Variants in LRGUK observed in about 807,000 individuals in gnomAD.
LRGUK encodes the protein leucine rich repeats and guanylate kinase domain containing.
In LRGUK, 65 loss-of-function variants were observed where a neutral mutation model predicts 76.0. The observed-to-expected ratio is 0.85, with a 90% CI of 0.70 to 1.05. The LOEUF is 1.05. Among genes scored for constraint, LRGUK ranks in the 50% least tolerant of loss-of-function variants. The probability of loss-of-function intolerance (pLI) is 0.00; values close to 1 mark genes in which losing one functional copy is unlikely to be tolerated. For synonymous variants in LRGUK, 268 were observed against 265.6 expected (o/e 1.01, Z -0.09); for missense variants, 758 against 732.8 (o/e 1.03, Z -0.40).
Position 134,171,644 on chromosome 7 carries a change from A to G in LRGUK, c.940-2912A>G, listed in dbSNP as rs1002516706. Among the ~76,000 whole-genome samples, 6 of 152,094 alleles carry G rather than the reference A, an allele frequency of 3.9e-5. No homozygotes were observed. The South Asian group carries it at 8.3e-4, about 21-fold the overall frequency. The stretch of plus-strand genomic sequence containing the variant: ...ATCGTCAATAGGGGCAAAGGAGGTG[A>G]GAGAATGCGCTGGACTGGAGTCTGG... On this transcript the variant is annotated intron_variant, in intron 7 of 15. Transcript: ENST00000645682.
At chr7:134,180,616 G>A (rs964363371) in intron 10 of LRGUK, among the ~76,000 whole-genome samples, 3 of 151,986 alleles carry the variant, frequency 2.0e-5, no homozygotes, top group African/African-American at 7.3e-5. Flanking sequence ...ATCCTAGATT[G>A]TACCACAGTG....
chr7:134,233,181 A>G (rs371751275), intron 16 of LRGUK, among the ~76,000 whole-genome samples: 11 of 152,238 alleles, frequency 7.2e-5, no homozygotes, highest in Middle Eastern at 3.2e-3. Context: ...CCTCCCTGAT[A>G]GTAACCCAAT....
At chr7:134,219,408 T>C (rs2117148932) in intron 15 of LRGUK, among the ~76,000 whole-genome samples, 1 of 152,260 alleles carries the variant, frequency 6.6e-6, no homozygotes, top group East Asian at 1.9e-4. Flanking sequence ...ACTTGACTTA[T>C]TTACACCACA....
At chr7:134,197,826 A>G (rs973518996) in intron 13 of LRGUK, among the ~76,000 whole-genome samples, 1 of 152,218 alleles carries the variant, frequency 6.6e-6, no homozygotes, top group Non-Finnish European at 1.5e-5. Context: ...TTTTAAAAAT[A>G]TAGCTTTATT....
chr7:134,164,566 G>A (rs953381025), intron 7 of LRGUK, among the ~76,000 whole-genome samples: 3 of 152,034 alleles, frequency 2.0e-5, no homozygotes, highest in Non-Finnish European at 4.4e-5. Flanking sequence ...TATTTATATC[G>A]AATACTTTAT....
At chr7:134,180,761 T>G (rs1337936390) in intron 10 of LRGUK, among the ~76,000 whole-genome samples, 2 of 152,186 alleles carry the variant, frequency 1.3e-5, no homozygotes, top group Non-Finnish European at 2.9e-5. Flanking sequence ...ATTTGCCACT[T>G]TAACAATTTT....
downstream of LRGUK, among the ~76,000 whole-genome samples, chr7:134,214,775 AACAC>A (rs56096728): frequency 0.27 from 39,814 of 146,528 alleles, 6,070 homozygotes; most frequent in Admixed American, 0.4. Context: ...ATTAAATTTA[AACAC>A]ACACACACAC....
At chr7:134,200,005 TATATA>T (rs1563178706) in intron 14 of LRGUK, among the ~76,000 whole-genome samples, 3 of 128,632 alleles carry the variant, frequency 2.3e-5, no homozygotes, top group Non-Finnish European at 5.0e-5. Context: ...TATATATATA[TATATA>T]TATATATATA....
At chr7:134,242,938 A>G (rs898951803) in intron 16 of LRGUK, among the ~76,000 whole-genome samples, 20 of 152,162 alleles carry the variant, frequency 1.3e-4, no homozygotes, top group Non-Finnish European at 2.4e-4. Flanking sequence ...TATAAACAGA[A>G]CCAAAGACAA....
intron 18 of LRGUK, among the ~76,000 whole-genome samples, chr7:134,252,532 T>G (rs1334236566): frequency 1.3e-5 from 2 of 152,114 alleles, no homozygotes; most frequent in African/African-American, 4.8e-5. Context: ...TAACTGACAC[T>G]TCTAAGCAGA....
intron 18 of LRGUK, among the ~76,000 whole-genome samples, 176 bp from the exon 19 acceptor site, chr7:134,258,081 C>G (rs1489995728): frequency 2.0e-5 from 3 of 152,168 alleles, no homozygotes; most frequent in African/African-American, 7.2e-5. Flanking sequence ...GAGATGTCAG[C>G]TTCTATATAG....
rs544362519 is a variant in LRGUK, at chr7:134,143,440, A to C, written c.588+278A>C. 1.1e-4 allele frequency among the ~76,000 whole-genome samples: 16 copies of C among 152,302 alleles called. No individual in the cohort carries two copies. In the South Asian group the frequency reaches 3.3e-3, roughly 32 times the overall value. ...CTCCTCTTTCCCTCATTTGAATAGT[A>C]GTTATTATTGCCCTTTTTTTGTTGT... On this transcript the variant is annotated intron_variant, in intron 4 of 15. Coordinates refer to ENST00000645682, the Ensembl canonical transcript of LRGUK.
At chr7:134,135,515 T>A (rs1289739257) in intron 1 of LRGUK, among the ~76,000 whole-genome samples, 2 of 152,226 alleles carry the variant, frequency 1.3e-5, no homozygotes, top group African/African-American at 4.8e-5. Context: ...TACAGCGACA[T>A]GTCCTGAACT....
At chr7:134,166,634 C>T (rs538078719) in intron 7 of LRGUK, among the ~76,000 whole-genome samples, 3 of 152,284 alleles carry the variant, frequency 2.0e-5, no homozygotes, top group South Asian at 4.2e-4. Flanking sequence ...AACAGTGCTC[C>T]TCCCAGAGCT....
downstream of LRGUK, among the ~76,000 whole-genome samples, chr7:134,212,785 C>A (rs563732744): frequency 6.6e-6 from 1 of 152,266 alleles, no homozygotes; most frequent in Middle Eastern, 3.4e-3. Context: ...CTTCAAGAAG[C>A]TTTGTCTTTT....
intron 10 of LRGUK, among the ~76,000 whole-genome samples, chr7:134,178,934 A>AAAAAAAAAAAACAAACC (rs1799614131): frequency 1.3e-5 from 1 of 78,134 alleles, no homozygotes; most frequent in Non-Finnish European, 2.1e-5. Flanking sequence ...CTCAAAAAAA[A>AAAAAAAAAAAACAAACC]AAAAAAAAAA....
At chr7:134,181,839 C>G (rs770838340) in intron 10 of LRGUK, among the ~76,000 whole-genome samples, 6 of 152,148 alleles carry the variant, frequency 3.9e-5, no homozygotes, top group Non-Finnish European at 8.8e-5. Flanking sequence ...CCAACCTTAT[C>G]GGATTTCACC....
At chr7:134,263,541 T>C (rs1295736632) in intron 19 of LRGUK, among the ~76,000 whole-genome samples, 2 of 151,938 alleles carry the variant, frequency 1.3e-5, no homozygotes, top group Admixed American at 1.3e-4. Context: ...GGCAACTCTA[T>C]ACAACCTAAG....
At chr7:134,252,689 G>A (rs1468152920) in intron 18 of LRGUK, among the ~76,000 whole-genome samples, 1 of 152,172 alleles carries the variant, frequency 6.6e-6, no homozygotes, top group African/African-American at 2.4e-5. Flanking sequence ...GGCTTTCCAG[G>A]AGAGCTGGGT....
Sources: allele counts gnomAD v4.1 joint callset (sites outside exome capture counted in the v4.1 genomes callset), GRCh38; gene constraint gnomAD v4.1.1; transcripts MANE v1.5; gene names NCBI Gene and HGNC (gene_info 2026-07-23, HGNC 2026-07-21).